PTPRM: variants seen among roughly 807,000 people sequenced by gnomAD.
PTPRM encodes receptor-type tyrosine-protein phosphatase mu.
A neutral mutation model predicts 186.7 loss-of-function variants in PTPRM; 47 were observed. The observed-to-expected ratio is 0.25, with a 90% confidence interval of 0.20 to 0.32. PTPRM has a LOEUF of 0.32. Among genes scored for constraint, PTPRM ranks in the 10% least tolerant of loss-of-function variants. The pLI, the probability that PTPRM is intolerant of heterozygous loss-of-function variation, is 1.00. For synonymous variants in PTPRM, 668 were observed against 674.9 expected (o/e 0.99, Z 0.16); for missense variants, 1,494 against 1,865.0 (o/e 0.80, Z 3.66).
intron 7 of PTPRM, among the ~76,000 whole-genome samples, chr18:8,029,147 C>A (rs2085771624): frequency 6.6e-6 from 1 of 152,210 alleles, no homozygotes. Context: ...CCCTGACATA[C>A]CTGCCTGCCT....
At chr18:7,725,645 G>A (rs1249424292) in intron 1 of PTPRM, among the ~76,000 whole-genome samples, 1 of 150,548 alleles carries the variant, frequency 6.6e-6, no homozygotes, top group Non-Finnish European at 1.5e-5. Context: ...TCGGAAAGAA[G>A]CAGCTTAACC....
chr18:7,849,461 G>T (rs370046710), intron 2 of PTPRM, among the ~76,000 whole-genome samples: 13 of 152,206 alleles, frequency 8.5e-5, no homozygotes, highest in African/African-American at 2.7e-4. Flanking sequence ...TCAGATGAAA[G>T]TGGATCTCTA....
intron 14 of PTPRM, among the ~76,000 whole-genome samples, chr18:8,226,312 T>C (rs749191448): frequency 2.1e-5 from 3 of 140,466 alleles, no homozygotes; most frequent in Non-Finnish European, 4.5e-5. Flanking sequence ...AAATAGCATG[T>C]AAAGGCCAAA....
chr18:8,339,208 T>A (rs543633616), intron 22 of PTPRM, among the ~76,000 whole-genome samples: 1 of 152,138 alleles, frequency 6.6e-6, no homozygotes, highest in Non-Finnish European at 1.5e-5. Context: ...CCCCCTTTTT[T>A]TTCCCTTTGG....
chr18:8,032,775 A>G (rs1228906481), intron 7 of PTPRM, among the ~76,000 whole-genome samples: 1 of 152,148 alleles, frequency 6.6e-6, no homozygotes, highest in African/African-American at 2.4e-5. Flanking sequence ...GAAAAGCGGC[A>G]TTTCATACAT....
chr18:7,929,908 T>C (rs2051380008), intron 5 of PTPRM, among the ~76,000 whole-genome samples: 1 of 152,198 alleles, frequency 6.6e-6, no homozygotes, highest in Non-Finnish European at 1.5e-5. Context: ...TGTAAACTCA[T>C]TTGGGTCCTC....
intron 2 of PTPRM, among the ~76,000 whole-genome samples, chr18:7,833,626 C>T (rs1034349649): frequency 1.3e-5 from 2 of 151,900 alleles, no homozygotes; most frequent in African/African-American, 4.8e-5. Flanking sequence ...CCCAGCTACT[C>T]GGGAGGCTGA....
At chr18:8,128,375 AT>A (rs2092423366) in intron 13 of PTPRM, among the ~76,000 whole-genome samples, 1 of 152,218 alleles carries the variant, frequency 6.6e-6, no homozygotes, top group African/African-American at 2.4e-5. Flanking sequence ...ACGGAAGTTA[AT>A]ATAGAGGGTT....
chr18:8,303,389 G>C (rs1362804863), intron 20 of PTPRM, among the ~76,000 whole-genome samples: 4 of 152,102 alleles, frequency 2.6e-5, no homozygotes, highest in South Asian at 4.1e-4. Flanking sequence ...AGCCAATCTT[G>C]GTTGCTCACA....
At chr18:8,302,087 A>C (rs907407985) in intron 20 of PTPRM, among the ~76,000 whole-genome samples, 3 of 152,194 alleles carry the variant, frequency 2.0e-5, no homozygotes, top group African/African-American at 4.8e-5. Context: ...ATGGTCCTGG[A>C]AGATTTCGTG....
chr18:7,631,888 T>A (rs1486007127), intron 1 of PTPRM, among the ~76,000 whole-genome samples: 1 of 152,242 alleles, frequency 6.6e-6, no homozygotes, highest in Admixed American at 6.5e-5. Flanking sequence ...TAATGCATAG[T>A]TATTAACACT....
intron 7 of PTPRM, among the ~76,000 whole-genome samples, chr18:8,001,167 G>T (rs2083850140): frequency 6.6e-6 from 1 of 152,164 alleles, no homozygotes; most frequent in East Asian, 1.9e-4. Context: ...ACCACCTCTT[G>T]CTGTCTCTGA....
At chr18:7,912,702 G>A (rs183921551) in intron 4 of PTPRM, among the ~76,000 whole-genome samples, 127 of 149,982 alleles carry the variant, frequency 8.5e-4, no homozygotes, top group African/African-American at 3.0e-3. Flanking sequence ...TGTATTTTTA[G>A]TAGAGATGGC....
At chr18:7,764,350 G>C (rs1490693185) in intron 1 of PTPRM, among the ~76,000 whole-genome samples, 5 of 152,126 alleles carry the variant, frequency 3.3e-5, no homozygotes, top group Admixed American at 2.6e-4. Flanking sequence ...AGCACTACAT[G>C]ATTATAATTT....
intron 7 of PTPRM, among the ~76,000 whole-genome samples, chr18:8,038,983 T>G (rs568132771): frequency 3.0e-4 from 39 of 129,850 alleles, no homozygotes; most frequent in South Asian, 4.8e-4. Context: ...TTTTCAGGGG[T>G]TTTTTTTTGC....
rs186665152 is a variant in PTPRM, at chr18:8,004,965, A to G, written c.1132+49551A>G. ...AGTGAAGAATATGTTTTCAGTGCAT[A>G]TAAGTGATGACAAAATTTGCATTTC... On this transcript the variant is annotated intron_variant, in intron 7 of 32. Transcript: ENST00000580170. 5.9e-5 allele frequency among the ~76,000 whole-genome samples: 9 copies of G among 152,324 alleles called. No homozygotes were observed. In the East Asian group the frequency reaches 1.4e-3, roughly 23 times the overall value.
chr18:7,984,973 A>ATAAT (rs2082813779), intron 7 of PTPRM, among the ~76,000 whole-genome samples: 1 of 118,776 alleles, frequency 8.4e-6, no homozygotes, highest in African/African-American at 4.0e-5. Flanking sequence ...ACATATAATT[A>ATAAT]TATATACATA....
chr18:8,236,302 C>T (rs1025176860), intron 14 of PTPRM, among the ~76,000 whole-genome samples: 8 of 152,066 alleles, frequency 5.3e-5, no homozygotes, highest in South Asian at 2.1e-4. Flanking sequence ...AAGAATTGAC[C>T]CTTTTATCCT....
At chr18:8,010,352 A>G (rs914973803) in intron 7 of PTPRM, among the ~76,000 whole-genome samples, 3 of 152,176 alleles carry the variant, frequency 2.0e-5, no homozygotes, top group African/African-American at 7.2e-5. Context: ...TTCTTTGTCC[A>G]GATTTTCATC....
Sources: allele counts gnomAD v4.1 joint callset (sites outside exome capture counted in the v4.1 genomes callset), GRCh38; gene constraint gnomAD v4.1.1; transcripts MANE v1.5; gene names NCBI Gene and HGNC (gene_info 2026-07-23, HGNC 2026-07-21).